Variants in KRAS observed in about 807,000 individuals in gnomAD.
The protein encoded by KRAS is GTPase KRas.
In KRAS, 1 loss-of-function variant was observed where a neutral mutation model predicts 21.0. That is an observed-to-expected ratio of 0.05 (90% CI 0.02 to 0.23). The LOEUF (loss-of-function observed/expected upper bound fraction) is 0.23. Ranked by LOEUF, KRAS falls within the 10% of genes least tolerant of loss-of-function variation. KRAS has a pLI of 1.00. For missense variants in KRAS, 107 were observed against 221.8 expected (o/e 0.48, Z 3.29); for synonymous variants, 67 against 72.5 (o/e 0.92, Z 0.39).
intron 4 of KRAS, among the ~76,000 whole-genome samples, chr12:25,217,303 GA>G: frequency 6.6e-6 from 1 of 152,106 alleles, no homozygotes; most frequent in East Asian, 1.9e-4. Context: ...CTAATTTTTA[GA>G]AATCTCAGAA....
At chr12:25,218,519 T>G (rs968235536) in intron 4 of KRAS, among the ~76,000 whole-genome samples, 2 of 152,176 alleles carry the variant, frequency 1.3e-5, no homozygotes. Flanking sequence ...GCTCATATAA[T>G]TAACAGCACA....
Position 25,206,179 on chromosome 12 carries a change from A to G in KRAS, c.*3616T>C, listed in dbSNP as rs1191735159. ...AACTGTAACTTAACATGCCCCACAAAGTTTCTATGTATATATTAGGACAAA... is the reference window on the plus strand; with the variant it reads ...AACTGTAACTTAACATGCCCCACAAGGTTTCTATGTATATATTAGGACAAA... On this transcript the variant is annotated 3_prime_UTR_variant, in exon 5 of 5. Transcript: ENST00000311936. 4.6e-6 allele frequency: 1 copy of G among 216,482 alleles called. No individual in the cohort carries two copies. Among genetic ancestry groups the G allele is most frequent in the African/African-American group, 2.2e-5 (1 of 44,536 alleles). The allele number at this position is 216,482 out of a possible 1,614,324, so 13.4% of individuals were successfully genotyped here.
chr12:25,233,179 C>G (rs775357871), intron 2 of KRAS, among the ~76,000 whole-genome samples: 7 of 152,156 alleles, frequency 4.6e-5, no homozygotes, highest in Non-Finnish European at 1.0e-4. Flanking sequence ...CAATCTGCAG[C>G]AATTGCTTCC....
In KRAS at chr12:25,208,569, A is replaced by G. The variant is rs896508087; in HGVS notation, c.*1226T>C. On this transcript the variant is annotated 3_prime_UTR_variant, in exon 5 of 5. Coordinates refer to ENST00000311936, the MANE Select transcript of KRAS (RefSeq NM_004985.5). ...AATCTCAACTTTTGAGTTAATATTT[A>G]AAAGTAATTTTTAAAAAAGAGTTTG... 4.3e-6 allele frequency: 1 copy of G among 233,142 alleles called. No individual in the cohort carries two copies. The allele number at this position is 233,142 out of a possible 1,614,324, so 14.4% of individuals were successfully genotyped here.
chr12:25,234,460 G>T (rs1415701746), intron 2 of KRAS: 1 of 182,422 alleles, frequency 5.5e-6, no homozygotes, highest in Non-Finnish European at 1.2e-5. Context: ...ACTTAAAATG[G>T]ATTTCATATT....
intron 2 of KRAS, 30 bp downstream of exon 2, chr12:25,245,244 C>T (rs2135805613): frequency 1.3e-6 from 2 of 1,576,576 alleles, no homozygotes; most frequent in South Asian, 1.1e-5. Context: ...GGTCCTGCAC[C>T]AGTAATATGC....
At chr12:25,241,801 C>G (rs1407539713) in intron 2 of KRAS, among the ~76,000 whole-genome samples, 4 of 152,138 alleles carry the variant, frequency 2.6e-5, no homozygotes, top group Admixed American at 2.0e-4. Context: ...TTGTGGCAAC[C>G]AAAAACATCT....
At chr12:25,238,456 A>C (rs548531609) in intron 2 of KRAS, among the ~76,000 whole-genome samples, 1 of 152,188 alleles carries the variant, frequency 6.6e-6, no homozygotes, top group Non-Finnish European at 1.5e-5. Flanking sequence ...CAATTTCCTT[A>C]ATCCAAGACT....
intron 2 of KRAS, among the ~76,000 whole-genome samples, chr12:25,240,880 T>C (rs1401128067): frequency 6.6e-6 from 1 of 152,194 alleles, no homozygotes; most frequent in Non-Finnish European, 1.5e-5. Flanking sequence ...TTCTGTTTAT[T>C]CTAAAAATCA....
At chr12:25,213,144 T>G (rs1951216227) in intron 4 of KRAS, among the ~76,000 whole-genome samples, 1 of 152,164 alleles carries the variant, frequency 6.6e-6, no homozygotes, top group Non-Finnish European at 1.5e-5. Flanking sequence ...ATGAATTACT[T>G]CCACGTGTAC....
At chr12:25,223,094 G>A (rs1410579912) in intron 4 of KRAS, among the ~76,000 whole-genome samples, 4 of 152,134 alleles carry the variant, frequency 2.6e-5, no homozygotes, top group Non-Finnish European at 5.9e-5. Flanking sequence ...GAAAATATAA[G>A]AAGCACTTCT....
chr12:25,214,895 A>C (rs1951237030), intron 4 of KRAS, among the ~76,000 whole-genome samples: 1 of 152,178 alleles, frequency 6.6e-6, no homozygotes, highest in Non-Finnish European at 1.5e-5. Context: ...GAGTCATCCT[A>C]AAATTCCCAG....
intron 3 of KRAS, 45 bp from the exon 4 acceptor site, chr12:25,225,818 A>T (rs761961669): frequency 6.4e-7 from 1 of 1,567,272 alleles, no homozygotes; most frequent in Admixed American, 1.7e-5. Context: ...AGTAACACAA[A>T]TATCTTTCAA....
At position 25,208,411 on chromosome 12, in the gene KRAS, T is replaced by C. The variant is rs1348753279; in HGVS notation, c.*1384A>G. 4.3e-6 allele frequency: 1 copy of C among 233,172 alleles called. No individual in the cohort carries two copies. The highest frequency in any genetic ancestry group is 8.5e-6 in the Non-Finnish European group (1 of 117,800). The allele number at this position is 233,172 out of a possible 1,614,324, so 14.4% of individuals were successfully genotyped here. A position where few individuals can be genotyped will look rare whatever the true frequency, so the allele number is the denominator to read the frequency against. On this transcript the variant is annotated 3_prime_UTR_variant, in exon 5 of 5. Coordinates refer to ENST00000311936, the MANE Select transcript of KRAS (RefSeq NM_004985.5). The stretch of plus-strand genomic sequence containing the variant: ...ATTTTAAAGCATTATTAAATATGGA[T>C]CAGACTTGAAAAGTGTTTATGCAAT...
chr12:25,242,835 T>C (rs978951428), intron 2 of KRAS, among the ~76,000 whole-genome samples: 1 of 152,188 alleles, frequency 6.6e-6, no homozygotes, highest in Non-Finnish European at 1.5e-5. Context: ...AGAATTTAAA[T>C]TGAAATCCTA....
rs2141505878 is a variant in KRAS, at chr12:25,225,668, G to C, written c.396C>G (p.Asp132Glu). 1.2e-6 allele frequency: 2 copies of C among 1,613,248 alleles called. No homozygotes were observed. The highest frequency in any genetic ancestry group is 1.7e-6 in the Non-Finnish European group (2 of 1,179,568). The change falls in exon 4 of 5, where the codon GAC becomes GAG. Residue 132 changes from aspartate to glutamate, a missense_variant. Asp to Glu is a conservative substitution (Grantham distance 45, BLOSUM62 2). Transcript: ENST00000311936. ...SRTVDTKQAQDLARSYGIPFI... is the reference protein window; with the variant it reads ...SRTVDTKQAQELARSYGIPFI... ...AAGGAATTCCATAACTTCTTGCTAAGTCCTGAGCCTGTTTTGTGTCTACTG... is the reference window on the plus strand; with the variant it reads ...AAGGAATTCCATAACTTCTTGCTAACTCCTGAGCCTGTTTTGTGTCTACTG...
chr12:25,239,399 C>G (rs1028732856), intron 2 of KRAS, among the ~76,000 whole-genome samples: 1 of 152,128 alleles, frequency 6.6e-6, no homozygotes, highest in Non-Finnish European at 1.5e-5. Flanking sequence ...TAAGGATACT[C>G]TGATGATGAG....
At position 25,207,714 on chromosome 12, in the gene KRAS, T is replaced by C. The variant is rs1161418618; in HGVS notation, c.*2081A>G. ...GTCTATTCATACCAGGTTTGAAAAATCCTACTGTCGCTAATGGATTGGGCA... is the reference window on the plus strand; with the variant it reads ...GTCTATTCATACCAGGTTTGAAAAACCCTACTGTCGCTAATGGATTGGGCA... On this transcript the variant is annotated 3_prime_UTR_variant, in exon 5 of 5. Transcript: ENST00000311936. 2.2e-5 allele frequency: 5 copies of C among 232,464 alleles called. No homozygotes were observed. The highest frequency in any genetic ancestry group is 1.1e-4 in the African/African-American group (5 of 45,400). The allele number at this position is 232,464 out of a possible 1,614,324, so 14.4% of individuals were successfully genotyped here. A position where few individuals can be genotyped will look rare whatever the true frequency, so the allele number is the denominator to read the frequency against.
intron 4 of KRAS, among the ~76,000 whole-genome samples, chr12:25,213,073 A>AT (rs1022847311): frequency 4.0e-5 from 6 of 151,626 alleles, no homozygotes; most frequent in Admixed American, 2.6e-4. Flanking sequence ...TGTCAAATAA[A>AT]TTTTTTTTTA....
Sources: allele counts gnomAD v4.1 joint callset (sites outside exome capture counted in the v4.1 genomes callset), GRCh38; gene constraint gnomAD v4.1.1; transcripts MANE v1.5; gene names NCBI Gene and HGNC (gene_info 2026-07-23, HGNC 2026-07-21).